The following ANO2 variants were observed in gnomAD, a reference collection of about 807,000 sequenced individuals.
ANO2 encodes the protein anoctamin-2.
ANO2 carries 101 observed loss-of-function variants against 124.2 expected under a neutral mutation model. The ratio of observed to expected loss-of-function variants is 0.81; its 90% CI spans 0.69 to 0.96. ANO2 has a LOEUF of 0.96. Ranked by LOEUF, ANO2 falls within the 40% of genes least tolerant of loss-of-function variation. ANO2 has a pLI of 0.00. For synonymous variants in ANO2, 486 were observed against 482.5 expected, an observed-to-expected ratio of 1.01 and a Z score of -0.09; for missense variants, 1,293 against 1,274.5, an observed-to-expected ratio of 1.01 and a Z score of -0.22.
intron 14 of ANO2, among the ~76,000 whole-genome samples, chr12:5,710,569 A>G (rs1418387837): frequency 6.6e-6 from 1 of 152,198 alleles, no homozygotes; most frequent in Non-Finnish European, 1.5e-5. Context: ...TCTGTAAACA[A>G]AGATGAAAAC....
At chr12:5,838,870 G>A (rs1954413637) in intron 4 of ANO2, among the ~76,000 whole-genome samples, 1 of 152,202 alleles carries the variant, frequency 6.6e-6, no homozygotes, top group Admixed American at 6.5e-5. Flanking sequence ...GGGGACAGGA[G>A]GCTGCCTCTT....
intron 14 of ANO2, among the ~76,000 whole-genome samples, chr12:5,656,814 G>C (rs1327046147): frequency 3.9e-5 from 6 of 152,230 alleles, no homozygotes; most frequent in Admixed American, 3.9e-4. Flanking sequence ...ATGTAAGGAG[G>C]CATGCAGGGC....
At chr12:5,812,106 G>A (rs1199313776) in intron 7 of ANO2, among the ~76,000 whole-genome samples, 6 of 146,840 alleles carry the variant, frequency 4.1e-5, no homozygotes, top group Non-Finnish European at 7.5e-5. Flanking sequence ...GGGAGGGGAG[G>A]CGAGGCCAGG....
At chr12:5,868,445 G>A (rs1482301090) in intron 3 of ANO2, among the ~76,000 whole-genome samples, 1 of 152,124 alleles carries the variant, frequency 6.6e-6, no homozygotes, top group Non-Finnish European at 1.5e-5. Context: ...GAATCTGGAA[G>A]CAATAGTGAC....
At chr12:5,626,247 G>A (rs2136924973) in intron 16 of ANO2, among the ~76,000 whole-genome samples, 1 of 152,218 alleles carries the variant, frequency 6.6e-6, no homozygotes, top group South Asian at 2.1e-4. Flanking sequence ...CAAGCTGTGT[G>A]CTCCCAGGGT....
At chr12:5,733,292 G>A (rs1950718728) in intron 13 of ANO2, 1 of 275,730 alleles carries the variant, frequency 3.6e-6, no homozygotes, top group African/African-American at 2.2e-5. Flanking sequence ...ACAAACCTGA[G>A]TTGTGAGTCA....
intron 3 of ANO2, among the ~76,000 whole-genome samples, chr12:5,889,250 C>T (rs1301909022): frequency 6.6e-6 from 1 of 152,232 alleles, no homozygotes; most frequent in Admixed American, 6.5e-5. Flanking sequence ...TCCCTGCAAG[C>T]TGAGGGAGCC....
intron 3 of ANO2, among the ~76,000 whole-genome samples, chr12:5,877,424 G>T (rs757428520): frequency 6.6e-6 from 1 of 152,180 alleles, no homozygotes; most frequent in Non-Finnish European, 1.5e-5. Flanking sequence ...TGAGGTAGTT[G>T]TTCTGGGAGT....
chr12:5,907,039 C>A (rs1456931081), intron 3 of ANO2, among the ~76,000 whole-genome samples: 1 of 152,062 alleles, frequency 6.6e-6, no homozygotes, highest in Non-Finnish European at 1.5e-5. Context: ...AATTATCCTG[C>A]AAAAATAAAG....
chr12:5,924,266 T>C (rs1435565249), intron 1 of ANO2, among the ~76,000 whole-genome samples: 1 of 152,248 alleles, frequency 6.6e-6, no homozygotes, highest in East Asian at 1.9e-4. Context: ...ATTCGGTCCC[T>C]GCACTTGAGA....
chr12:5,921,470 C>A, intron 2 of ANO2, 104 bp from the exon 3 acceptor site: 3 of 1,190,988 alleles, frequency 2.5e-6, no homozygotes, highest in Non-Finnish European at 3.5e-6. Context: ...GACTCAGAAG[C>A]AAGCCTCTCA....
chr12:5,775,985 C>T (rs1952222520), intron 10 of ANO2, among the ~76,000 whole-genome samples: 1 of 152,188 alleles, frequency 6.6e-6, no homozygotes, highest in Non-Finnish European at 1.5e-5. Context: ...CCTCACGTAT[C>T]ATGATTGAGG....
At chr12:5,879,567 C>T (rs1006474993) in intron 3 of ANO2, among the ~76,000 whole-genome samples, 1 of 152,146 alleles carries the variant, frequency 6.6e-6, no homozygotes, top group Admixed American at 6.5e-5. Context: ...CAAATTATTA[C>T]AATATTTGCA....
At chr12:5,566,076 G>A (rs749517148) in intron 23 of ANO2, among the ~76,000 whole-genome samples, 2 of 152,212 alleles carry the variant, frequency 1.3e-5, no homozygotes, top group South Asian at 4.2e-4. Flanking sequence ...CAGCCGGGGG[G>A]GTTGGGGAAG....
intron 3 of ANO2, among the ~76,000 whole-genome samples, chr12:5,914,156 CG>C (rs1941233866): frequency 4.6e-5 from 7 of 151,760 alleles, no homozygotes; most frequent in Admixed American, 3.3e-4. Context: ...GCCAAGATTG[CG>C]CTACTGCACT....
chr12:5,800,803 A>G lies in ANO2; in HGVS notation c.991-1232T>C, dbSNP rs1188859352. 2.6e-5 allele frequency among the ~76,000 whole-genome samples: 4 copies of G among 152,196 alleles called. No homozygotes were observed. In the East Asian group the frequency reaches 5.8e-4, roughly 22 times the overall value. ...AGCTAGATATGAAAATCTGAAGTTCAAAGAAGAGTCCAGTACATTCGAGAG... is the reference window on the plus strand; with the variant it reads ...AGCTAGATATGAAAATCTGAAGTTCGAAGAAGAGTCCAGTACATTCGAGAG... On this transcript the variant is annotated intron_variant, in intron 9 of 24. Transcript: ENST00000682330.
intron 14 of ANO2, among the ~76,000 whole-genome samples, chr12:5,718,590 G>T (rs939284989): frequency 1.3e-5 from 2 of 152,214 alleles, no homozygotes; most frequent in Admixed American, 6.5e-5. Context: ...TAAAATTAGT[G>T]CCAATCATTT....
intron 14 of ANO2, among the ~76,000 whole-genome samples, chr12:5,728,644 T>C (rs973835502): frequency 6.6e-6 from 1 of 152,152 alleles, no homozygotes; most frequent in Admixed American, 6.5e-5. Flanking sequence ...AAGTTAGTCA[T>C]GAAGTTCATA....
chr12:5,706,712 T>C (rs1455065116), intron 14 of ANO2, among the ~76,000 whole-genome samples: 4 of 152,228 alleles, frequency 2.6e-5, no homozygotes, highest in African/African-American at 9.7e-5. Flanking sequence ...TCCTTGAGAA[T>C]AGGCACTTGG....
Sources: gnomAD v4.1 joint callset for allele counts (sites outside exome capture counted in the v4.1 genomes callset) on GRCh38, gnomAD v4.1.1 for gene constraint, MANE v1.5 for transcripts, NCBI Gene and HGNC (gene_info 2026-07-23, HGNC 2026-07-21) for gene names.